Variants in MARCHF1 observed in about 807,000 individuals in gnomAD.
The protein encoded by MARCHF1 is E3 ubiquitin-protein ligase MARCHF1.
A neutral mutation model predicts 54.2 loss-of-function variants in MARCHF1; 40 were observed. The ratio of observed to expected loss-of-function variants is 0.74; its 90% CI spans 0.57 to 0.96. MARCHF1 has a LOEUF of 0.96. MARCHF1 is among the 40% of genes least tolerant of loss of function. The probability of loss-of-function intolerance (pLI) is 0.00; values close to 1 mark genes in which losing one functional copy is unlikely to be tolerated. For missense variants in MARCHF1, 586 were observed against 656.5 expected (o/e 0.89, Z 1.17); for synonymous variants, 236 against 236.3 (o/e 1.00, Z 0.01).
intron 1 of MARCHF1, among the ~76,000 whole-genome samples, chr4:164,161,926 C>A (rs1023988898): frequency 1.3e-5 from 2 of 152,102 alleles, no homozygotes; most frequent in African/African-American, 4.8e-5. Context: ...GAGGAAAACC[C>A]AATCATTTGG....
At chr4:163,539,468 ATTG>A (rs1399205601) in intron 9 of MARCHF1, among the ~76,000 whole-genome samples, 2 of 152,204 alleles carry the variant, frequency 1.3e-5, no homozygotes, top group South Asian at 2.1e-4. Context: ...AGTTTTCATT[ATTG>A]TTATTATCTG....
At chr4:163,775,687 GGAGTA>G (rs996196671) in intron 4 of MARCHF1, among the ~76,000 whole-genome samples, 2 of 152,052 alleles carry the variant, frequency 1.3e-5, no homozygotes, top group Non-Finnish European at 2.9e-5. Context: ...AAGGCGGCTA[GGAGTA>G]GGACAAATAT....
chr4:164,248,887 T>A (rs1194543809), intron 1 of MARCHF1, among the ~76,000 whole-genome samples: 1 of 151,618 alleles, frequency 6.6e-6, no homozygotes, highest in African/African-American at 2.4e-5. Flanking sequence ...AAATTTTAAA[T>A]TTCATAATTC....
chr4:164,148,250 A>T (rs201625268), intron 1 of MARCHF1, among the ~76,000 whole-genome samples: 8 of 152,252 alleles, frequency 5.3e-5, no homozygotes, highest in Non-Finnish European at 1.0e-4. Context: ...GGATGTTGAA[A>T]TGATGCCAGT....
chr4:163,967,872 G>A (rs1752474772), intron 3 of MARCHF1, among the ~76,000 whole-genome samples: 1 of 152,072 alleles, frequency 6.6e-6, no homozygotes, highest in Admixed American at 6.6e-5. Flanking sequence ...CTTGCCTGGG[G>A]AGGCTGGTCT....
intron 1 of MARCHF1, among the ~76,000 whole-genome samples, chr4:164,213,501 C>T (rs1314252422): frequency 6.6e-6 from 1 of 151,864 alleles, no homozygotes; most frequent in Admixed American, 6.6e-5. Context: ...TCCCAAAGTG[C>T]TGGGATTACA....
At chr4:163,873,235 T>C (rs949682597) in intron 3 of MARCHF1, among the ~76,000 whole-genome samples, 8 of 152,216 alleles carry the variant, frequency 5.3e-5, no homozygotes, top group African/African-American at 1.9e-4. Context: ...GCTTCTGCTC[T>C]AGCTAGTTTA....
chr4:163,612,451 T>C lies in MARCHF1; in HGVS notation c.830A>G (p.Gln277Arg). The change falls in exon 7 of 10, where the codon CAA becomes CGA. Residue 277 changes from glutamine to arginine, a missense_variant. Gln to Arg is a conservative substitution (Grantham distance 43). Coordinates refer to ENST00000514618, the MANE Select transcript of MARCHF1 (RefSeq NM_001394959.1). ...RYHHRDPQLLQSLRKNEIMKK... is the reference protein window; with the variant it reads ...RYHHRDPQLLRSLRKNEIMKK... ...CATTATTTCATTTTTCCTAAGACTT[T>C]GCAAGAGCTGAGGATCTCTGTGGTG... The C allele has an allele frequency of 6.5e-7, 1 of 1,535,420 alleles. No individual in the cohort carries two copies. Among genetic ancestry groups the C allele is most frequent in the Non-Finnish European group, 8.7e-7 (1 of 1,146,476 alleles).
intron 5 of MARCHF1, among the ~76,000 whole-genome samples, chr4:163,653,269 TGA>T (rs1047974035): frequency 5.3e-5 from 8 of 151,722 alleles, no homozygotes; most frequent in African/African-American, 1.9e-4. Context: ...GCAGAGCAGG[TGA>T]GAGACAGAGT....
chr4:164,198,686 C>T (rs1158882639), intron 1 of MARCHF1, among the ~76,000 whole-genome samples: 3 of 152,104 alleles, frequency 2.0e-5, no homozygotes, highest in Non-Finnish European at 4.4e-5. Context: ...GTGTCTGAGC[C>T]GTAATTCCAC....
intron 5 of MARCHF1, among the ~76,000 whole-genome samples, chr4:163,636,962 C>A (rs142391719): frequency 3.9e-5 from 6 of 152,138 alleles, no homozygotes; most frequent in Non-Finnish European, 8.8e-5. Context: ...ACTATCTGAT[C>A]TTTGACAAAC....
At position 164,150,737 on chromosome 4, in the gene MARCHF1, A is replaced by G. The variant is rs186006512; in HGVS notation, c.-322-39075T>C. Among the ~76,000 whole-genome samples, 4 of 152,336 alleles carry G rather than the reference A, an allele frequency of 2.6e-5. No individual in the cohort carries two copies. The East Asian group carries it at 7.7e-4, about 29-fold the overall frequency. ...TCTTGAAATACATTTATTTATTAAAACCACACATTTTCATAAAGAAAATAT... is the reference window on the plus strand; with the variant it reads ...TCTTGAAATACATTTATTTATTAAAGCCACACATTTTCATAAAGAAAATAT... On this transcript the variant is annotated intron_variant, in intron 1 of 9. Coordinates refer to ENST00000514618, the MANE Select transcript of MARCHF1 (RefSeq NM_001394959.1).
At chr4:164,263,874 G>A (rs1733534530) in intron 1 of MARCHF1, among the ~76,000 whole-genome samples, 1 of 151,992 alleles carries the variant, frequency 6.6e-6, no homozygotes, top group African/African-American at 2.4e-5. Flanking sequence ...TGGAGAAAAG[G>A]GAATGCTTAT....
intron 5 of MARCHF1, among the ~76,000 whole-genome samples, chr4:163,639,201 C>G (rs1742465526): frequency 6.6e-6 from 1 of 152,112 alleles, no homozygotes; most frequent in South Asian, 2.1e-4. Context: ...AAATGGGACA[C>G]AGAAAATCAG....
At chr4:163,673,078 G>A (rs545677999) in intron 5 of MARCHF1, among the ~76,000 whole-genome samples, 1 of 152,148 alleles carries the variant, frequency 6.6e-6, no homozygotes, top group Non-Finnish European at 1.5e-5. Flanking sequence ...ATAGTCAAAG[G>A]TTCCAGGGAG....
intron 4 of MARCHF1, among the ~76,000 whole-genome samples, chr4:163,746,185 T>C (rs145785514): frequency 4.8e-4 from 73 of 152,356 alleles, no homozygotes; most frequent in Admixed American, 1.0e-3. Context: ...TTCCTCTTAA[T>C]CCCTGGACAC....
chr4:163,806,904 T>TG (rs1460294035), intron 4 of MARCHF1, among the ~76,000 whole-genome samples: 1 of 151,500 alleles, frequency 6.6e-6, no homozygotes, highest in Non-Finnish European at 1.5e-5. Flanking sequence ...CAGATAAATG[T>TG]GAAAAAAAAG....
At chr4:164,249,623 T>C (rs1277585239) in intron 1 of MARCHF1, among the ~76,000 whole-genome samples, 3 of 151,922 alleles carry the variant, frequency 2.0e-5, no homozygotes, top group African/African-American at 7.2e-5. Context: ...AACAGGACTA[T>C]ATTTCAAGAA....
At chr4:163,782,001 G>C (rs996549641) in intron 4 of MARCHF1, among the ~76,000 whole-genome samples, 1 of 152,132 alleles carries the variant, frequency 6.6e-6, no homozygotes, top group Non-Finnish European at 1.5e-5. Context: ...TACATATGAT[G>C]CATCTTTCCC....
Sources: allele counts gnomAD v4.1 joint callset (sites outside exome capture counted in the v4.1 genomes callset), GRCh38; gene constraint gnomAD v4.1.1; transcripts MANE v1.5; gene names NCBI Gene and HGNC (gene_info 2026-07-23, HGNC 2026-07-21).